Variants in CPQ observed in about 807,000 individuals in gnomAD.
CPQ encodes Ser-Met dipeptidase.
In CPQ, 37 loss-of-function variants were observed where a neutral mutation model predicts 45.7. The ratio of observed to expected loss-of-function variants is 0.81; its 90% confidence interval spans 0.62 to 1.07. The LOEUF is 1.07. CPQ is among the 50% of genes least tolerant of loss of function. The pLI is 0.00. For synonymous variants in CPQ, 186 were observed against 205.8 expected, an observed-to-expected ratio of 0.90 and a Z score of 0.82; for missense variants, 537 against 572.9, an observed-to-expected ratio of 0.94 and a Z score of 0.64.
At chr8:97,008,828 G>T (rs1809432534) in intron 5 of CPQ, among the ~76,000 whole-genome samples, 1 of 152,214 alleles carries the variant, frequency 6.6e-6, no homozygotes, top group Admixed American at 6.5e-5. Flanking sequence ...TTAGCATATT[G>T]CCTGGCACAG....
At chr8:96,941,274 C>T (rs192926556) in intron 4 of CPQ, among the ~76,000 whole-genome samples, 53 of 152,226 alleles carry the variant, frequency 3.5e-4, no homozygotes, top group Middle Eastern at 3.4e-3. Context: ...TAACAAGCTG[C>T]TGGGATTGGC....
intron 1 of CPQ, among the ~76,000 whole-genome samples, chr8:96,737,341 C>G (rs1488226189): frequency 3.0e-5 from 2 of 66,546 alleles, no homozygotes; most frequent in Admixed American, 1.9e-4. Flanking sequence ...CACACTCACA[C>G]AGAACTAATA....
intron 1 of CPQ, among the ~76,000 whole-genome samples, chr8:96,765,797 C>G (rs577803431): frequency 2.0e-5 from 3 of 152,276 alleles, no homozygotes; most frequent in African/African-American, 7.2e-5. Flanking sequence ...TCTGGCCCCC[C>G]CATTCATCAA....
intron 3 of CPQ, among the ~76,000 whole-genome samples, chr8:96,861,102 G>T (rs1220067791): frequency 5.9e-5 from 9 of 151,998 alleles, no homozygotes; most frequent in African/African-American, 2.2e-4. Flanking sequence ...TTGACATTGG[G>T]CTTTGCACTA....
At chr8:96,687,034 A>G (rs957109983) in intron 1 of CPQ, among the ~76,000 whole-genome samples, 1 of 151,320 alleles carries the variant, frequency 6.6e-6, no homozygotes, top group African/African-American at 2.4e-5. Context: ...TTGTATTTGT[A>G]TTTTCTATCC....
rs113671347 is a variant in CPQ, at chr8:97,017,869, C to A, written c.962-11534C>A. Among the ~76,000 whole-genome samples, 127 of 152,280 alleles carry A rather than the reference C, an allele frequency of 8.3e-4. 1 individual carries two copies. Among genetic ancestry groups the A allele is most frequent in the African/African-American group, 3.0e-3 (124 of 41,550 alleles). ...CTAGGGACCCACCCACCACCTGTTC[C>A]TCCCCATATTACCACAGATGATGCT... On this transcript the variant is annotated intron_variant, in intron 5 of 7. Coordinates refer to ENST00000220763, the MANE Select transcript of CPQ (RefSeq NM_016134.4).
intron 1 of CPQ, among the ~76,000 whole-genome samples, chr8:96,733,660 A>C (rs1200132896): frequency 6.6e-6 from 1 of 152,238 alleles, no homozygotes; most frequent in East Asian, 1.9e-4. Context: ...AATACATTTA[A>C]TCCAATATGT....
intron 7 of CPQ, among the ~76,000 whole-genome samples, chr8:97,139,745 G>A (rs1324624381): frequency 6.6e-6 from 1 of 152,018 alleles, no homozygotes; most frequent in Non-Finnish European, 1.5e-5. Context: ...CAGTATTGAG[G>A]GAAGATTATA....
chr8:97,100,361 C>T (rs1051400694), intron 7 of CPQ, among the ~76,000 whole-genome samples: 2 of 152,126 alleles, frequency 1.3e-5, no homozygotes, highest in Non-Finnish European at 2.9e-5. Flanking sequence ...GAGCTATAGA[C>T]TTCCAATAGG....
chr8:96,743,698 A>G (rs1810129308), intron 1 of CPQ, among the ~76,000 whole-genome samples: 1 of 152,214 alleles, frequency 6.6e-6, no homozygotes, highest in Non-Finnish European at 1.5e-5. Context: ...TCTAACGGAC[A>G]GGACCCTCAG....
At chr8:97,058,617 G>C (rs1810493846) in intron 6 of CPQ, among the ~76,000 whole-genome samples, 1 of 152,102 alleles carries the variant, frequency 6.6e-6, no homozygotes, top group Non-Finnish European at 1.5e-5. Flanking sequence ...TTAGAAGAGG[G>C]GACTGAGAGG....
intron 7 of CPQ, among the ~76,000 whole-genome samples, chr8:97,089,102 G>C (rs550730780): frequency 2.3e-4 from 35 of 152,042 alleles, no homozygotes; most frequent in Admixed American, 1.5e-3. Context: ...AATTAGCCAG[G>C]TGTGGTGGCA....
intron 4 of CPQ, among the ~76,000 whole-genome samples, chr8:96,963,885 A>G (rs1362253922): frequency 3.3e-5 from 5 of 151,932 alleles, no homozygotes; most frequent in Non-Finnish European, 2.9e-5. Context: ...GTGTTTTTAT[A>G]CTTTATATAA....
chr8:96,814,450 TC>T (rs1181156272), intron 2 of CPQ, among the ~76,000 whole-genome samples: 4 of 152,198 alleles, frequency 2.6e-5, no homozygotes, highest in African/African-American at 9.6e-5. Flanking sequence ...AGAGCTTCAT[TC>T]CAAATTAAGA....
intron 3 of CPQ, among the ~76,000 whole-genome samples, chr8:96,836,424 G>T (rs1180470797): frequency 1.3e-5 from 2 of 152,158 alleles, no homozygotes; most frequent in African/African-American, 4.8e-5. Flanking sequence ...ATGTTAGAAA[G>T]TTATACGACT....
intron 1 of CPQ, among the ~76,000 whole-genome samples, chr8:96,706,263 T>C (rs554134785): frequency 7.9e-5 from 12 of 152,306 alleles, no homozygotes; most frequent in Middle Eastern, 3.4e-3. Context: ...TTTGAACCAA[T>C]GACTCTATTA....
chr8:96,846,746 T>C (rs565978083), intron 3 of CPQ, among the ~76,000 whole-genome samples: 2 of 152,190 alleles, frequency 1.3e-5, no homozygotes, highest in Non-Finnish European at 2.9e-5. Context: ...ATAGAAATAT[T>C]ATTTAATTTA....
At chr8:96,894,199 T>C (rs1812414438) in intron 4 of CPQ, among the ~76,000 whole-genome samples, 2 of 152,180 alleles carry the variant, frequency 1.3e-5, no homozygotes, top group South Asian at 4.1e-4. Context: ...GGCCAATATT[T>C]TGACCACAAC....
intron 1 of CPQ, among the ~76,000 whole-genome samples, chr8:96,757,674 A>G (rs1810345503): frequency 6.6e-6 from 1 of 151,700 alleles, no homozygotes; most frequent in South Asian, 2.1e-4. Context: ...ACCTTGTTTC[A>G]TAGAGATGAT....
Sources: allele counts gnomAD v4.1 joint callset (sites outside exome capture counted in the v4.1 genomes callset), GRCh38; gene constraint gnomAD v4.1.1; transcripts MANE v1.5; gene names NCBI Gene and HGNC (gene_info 2026-07-23, HGNC 2026-07-21).